The following AGBL1 variants were observed in gnomAD, a reference collection of about 807,000 sequenced individuals.
The protein encoded by AGBL1 is cytosolic carboxypeptidase 4.
A neutral mutation model predicts 118.9 loss-of-function variants in AGBL1; 130 were observed. The observed-to-expected ratio is 1.09, with a 90% CI of 0.95 to 1.26. The LOEUF (loss-of-function observed/expected upper bound fraction) is 1.26, where lower values mean the gene tolerates loss of function less well. Ranked by LOEUF, AGBL1 falls within the 50% of genes most tolerant of loss-of-function variation. The probability of loss-of-function intolerance (pLI) is 0.00; values close to 1 mark genes in which losing one functional copy is unlikely to be tolerated. For missense variants in AGBL1, 1,584 were observed against 1,298.1 expected (o/e 1.22, Z -3.38); for synonymous variants, 555 against 478.9 (o/e 1.16, Z -2.08).
intron 22 of AGBL1, among the ~76,000 whole-genome samples, chr15:86,756,028 CTCT>C (rs1474791173): frequency 1.3e-5 from 2 of 152,104 alleles, no homozygotes; most frequent in Non-Finnish European, 2.9e-5. Context: ...GGCTTGGATG[CTCT>C]TCTTTTGGTT....
chr15:86,180,358 T>C (rs540394913), intron 5 of AGBL1, among the ~76,000 whole-genome samples: 2 of 152,078 alleles, frequency 1.3e-5, no homozygotes, highest in Non-Finnish European at 2.9e-5. Flanking sequence ...AATGGAACAG[T>C]ATAGACACTT....
At chr15:86,850,484 C>T (rs576756521) in intron 22 of AGBL1, among the ~76,000 whole-genome samples, 1 of 152,212 alleles carries the variant, frequency 6.6e-6, no homozygotes, top group Non-Finnish European at 1.5e-5. Context: ...ATCGTCCTCA[C>T]ACCATGGGTG....
At chr15:86,466,128 G>A (rs543728713) in intron 18 of AGBL1, among the ~76,000 whole-genome samples, 1 of 152,180 alleles carries the variant, frequency 6.6e-6, no homozygotes, top group African/African-American at 2.4e-5. Flanking sequence ...GAAATACTGG[G>A]GGCTGGTTCC....
At chr15:86,164,523 G>C (rs953352883) in intron 5 of AGBL1, among the ~76,000 whole-genome samples, 1 of 152,160 alleles carries the variant, frequency 6.6e-6, no homozygotes, top group African/African-American at 2.4e-5. Context: ...TCATTCCCAG[G>C]ATGGGCCTGA....
chr15:86,627,833 G>A (rs2084909912), intron 21 of AGBL1, among the ~76,000 whole-genome samples: 1 of 152,210 alleles, frequency 6.6e-6, no homozygotes, highest in Non-Finnish European at 1.5e-5. Context: ...GAAATGCTGT[G>A]ATGAGTGCTG....
chr15:86,790,972 G>A (rs1179655006), intron 22 of AGBL1, among the ~76,000 whole-genome samples: 1 of 152,124 alleles, frequency 6.6e-6, no homozygotes, highest in Non-Finnish European at 1.5e-5. Flanking sequence ...TGTAGCAGAT[G>A]ACAGGAAGGG....
At chr15:86,689,993 A>C (rs941287535) in intron 22 of AGBL1, among the ~76,000 whole-genome samples, 7 of 152,120 alleles carry the variant, frequency 4.6e-5, no homozygotes, top group Non-Finnish European at 8.8e-5. Context: ...CTTTGGTAGA[A>C]ACATAATGTC....
rs185878497 is a variant in AGBL1 at position 86,923,481 on chromosome 15, C to A, written c.3222-64506C>A. ...CCTCCCTTCAAGGACCAATTCAAAT[C>A]TCAGCTTACCCCTGATCTGAGTATC... On this transcript the variant is annotated intron_variant, in intron 23 of 24. Coordinates refer to the AGBL1 transcript ENST00000441037. Among the ~76,000 whole-genome samples, 3 of 152,336 alleles carry A rather than the reference C, an allele frequency of 2.0e-5. No individual in the cohort carries two copies. The East Asian group carries it at 5.8e-4, about 29-fold the overall frequency.
chr15:86,976,551 A>C (rs940935542), intron 23 of AGBL1, among the ~76,000 whole-genome samples: 3 of 151,940 alleles, frequency 2.0e-5, no homozygotes, highest in Admixed American at 1.3e-4. Flanking sequence ...TTTTCTTAGG[A>C]TATATTTCTA....
At chr15:86,115,235 A>G (rs917579321) in intron 1 of AGBL1, among the ~76,000 whole-genome samples, 2 of 152,210 alleles carry the variant, frequency 1.3e-5, no homozygotes, top group African/African-American at 4.8e-5. Context: ...GGGGAGTACC[A>G]TAAAGTCACA....
intron 22 of AGBL1, among the ~76,000 whole-genome samples, chr15:86,791,911 T>C (rs1462971668): frequency 6.6e-6 from 1 of 152,004 alleles, no homozygotes; most frequent in Non-Finnish European, 1.5e-5. Context: ...TAATTTTTTA[T>C]TGTTAGTAGA....
chr15:86,629,264 G>GA lies in AGBL1; in HGVS notation c.2995-45002dup, dbSNP rs35108433. On this transcript the variant is annotated intron_variant, in intron 21 of 22. Transcript: ENST00000614907. ...TGGAGCTTGAGAAAGTAACAGGAAG[G>GA]AAAAAAATGTGTTTATTTTGCTTAT... Among the ~76,000 whole-genome samples, 865 of 152,050 alleles carry GA rather than the reference G, an allele frequency of 5.7e-3. 8 individuals are homozygous for GA. The highest frequency in any genetic ancestry group is 0.02 in the African/African-American group (815 of 41,482).
intron 21 of AGBL1, among the ~76,000 whole-genome samples, chr15:86,649,539 A>G (rs1394427841): frequency 6.6e-6 from 1 of 152,166 alleles, no homozygotes; most frequent in Non-Finnish European, 1.5e-5. Flanking sequence ...GTTACTTGGA[A>G]GAATGTAGGT....
At chr15:86,683,881 A>G (rs1292772504) in intron 22 of AGBL1, among the ~76,000 whole-genome samples, 1 of 152,208 alleles carries the variant, frequency 6.6e-6, no homozygotes, top group South Asian at 2.1e-4. Context: ...AGTTAACTCA[A>G]TAACTTTTCA....
chr15:86,740,925 C>G (rs1377096), intron 22 of AGBL1, among the ~76,000 whole-genome samples: 45,841 of 151,896 alleles, frequency 0.3, 7,053 homozygotes, highest in South Asian at 0.38. Context: ...CTCCATCCCT[C>G]AGAGGATACA....
intron 17 of AGBL1, among the ~76,000 whole-genome samples, chr15:86,348,111 T>C (rs1280648047): frequency 6.6e-6 from 1 of 152,138 alleles, no homozygotes; most frequent in Non-Finnish European, 1.5e-5. Flanking sequence ...ATGCTTTCCA[T>C]GCTGGCTTTC....
chr15:86,194,193 C>T (rs1401767279), intron 5 of AGBL1, among the ~76,000 whole-genome samples: 1 of 152,214 alleles, frequency 6.6e-6, no homozygotes, highest in East Asian at 1.9e-4. Flanking sequence ...GCGAACTCAT[C>T]GTTTGGCTGG....
chr15:86,667,205 T>C (rs1395419909), intron 21 of AGBL1, among the ~76,000 whole-genome samples: 1 of 44,040 alleles, frequency 2.3e-5, no homozygotes, highest in African/African-American at 4.3e-5. Flanking sequence ...GAGATATCTA[T>C]GTATGTATCT....
chr15:86,310,100 C>A (rs1289067718), intron 17 of AGBL1, among the ~76,000 whole-genome samples: 1 of 152,100 alleles, frequency 6.6e-6, no homozygotes, highest in Non-Finnish European at 1.5e-5. Context: ...GATTCAATCT[C>A]CTTACTTGTT....
Sources: allele counts gnomAD v4.1 joint callset (sites outside exome capture counted in the v4.1 genomes callset), GRCh38; gene constraint gnomAD v4.1.1; transcripts MANE v1.5; gene names NCBI Gene and HGNC (gene_info 2026-07-23, HGNC 2026-07-21).